The following LPP variants were observed in gnomAD, a reference collection of about 807,000 sequenced individuals.
LPP encodes the protein lipoma-preferred partner.
Under a neutral mutation model 60.4 loss-of-function variants are expected in LPP, and 38 were observed. That is an observed-to-expected ratio of 0.63 (90% confidence interval 0.49 to 0.83). The LOEUF (loss-of-function observed/expected upper bound fraction) is 0.83, where lower values mean the gene tolerates loss of function less well. LPP is among the 40% of genes least tolerant of loss of function. The pLI is 0.00. For missense variants in LPP, 902 were observed against 783.6 expected, an observed-to-expected ratio of 1.15 and a Z score of -1.80; for synonymous variants, 328 against 290.8, an observed-to-expected ratio of 1.13 and a Z score of -1.30.
At chr3:188,591,225 G>A (rs747891036) in intron 6 of LPP, among the ~76,000 whole-genome samples, 7 of 152,090 alleles carry the variant, frequency 4.6e-5, no homozygotes, top group Non-Finnish European at 1.0e-4. Context: ...CTGCCCAAAC[G>A]AAATAAATCA....
chr3:188,277,033 G>A (rs1234807211), intron 2 of LPP, among the ~76,000 whole-genome samples: 5 of 149,930 alleles, frequency 3.3e-5, no homozygotes, highest in Admixed American at 2.7e-4. Flanking sequence ...GCTCCTGAGT[G>A]GCTGGACTTA....
chr3:188,699,512 A>G (rs1158002697), intron 7 of LPP, among the ~76,000 whole-genome samples: 1 of 152,228 alleles, frequency 6.6e-6, no homozygotes, highest in Non-Finnish European at 1.5e-5. Flanking sequence ...AGATTTTAAG[A>G]AAATCAAGAT....
At chr3:188,302,162 A>G (rs768598497) in intron 2 of LPP, among the ~76,000 whole-genome samples, 99 of 152,212 alleles carry the variant, frequency 6.5e-4, no homozygotes, top group Non-Finnish European at 1.1e-3. Context: ...GCTGCTTTGC[A>G]TTTACTCTCT....
chr3:188,745,222 G>C (rs528083620), intron 8 of LPP, among the ~76,000 whole-genome samples: 11 of 152,068 alleles, frequency 7.2e-5, no homozygotes, highest in Non-Finnish European at 1.2e-4. Context: ...AGGGAAGGCA[G>C]GTGTCAGGTC....
intron 7 of LPP, among the ~76,000 whole-genome samples, chr3:188,621,520 A>G (rs1845796945): frequency 6.6e-6 from 1 of 152,156 alleles, no homozygotes; most frequent in African/African-American, 2.4e-5. Flanking sequence ...TTTTGACTGC[A>G]CAGTATTTCA....
chr3:188,377,329 ACTTTCAGGTACACCAAT>A (rs1775447092), intron 3 of LPP, among the ~76,000 whole-genome samples: 1 of 152,166 alleles, frequency 6.6e-6, no homozygotes, highest in Admixed American at 6.5e-5. Context: ...TCTCCCCGTC[ACTTTCAGGTACACCAAT>A]CAGACGTAGA....
chr3:188,600,848 A>G (rs967869814), intron 6 of LPP, among the ~76,000 whole-genome samples: 3 of 152,026 alleles, frequency 2.0e-5, no homozygotes, highest in Admixed American at 1.3e-4. Flanking sequence ...TGTTTCTTCA[A>G]GCTTCAAGCT....
Position 188,496,853 on chromosome 3 carries a change from CTG to C in LPP, c.306+12153_306+12154del, listed in dbSNP as rs1483108607. On this transcript the variant is annotated intron_variant, in intron 5 of 11. Transcript: ENST00000617246. Reference sequence around the variant, plus strand: ...CACTGTGGTGGAAAATACAGGAAAACTGTGTACAGACCTGTTAAATGGAAATG... The same window carrying C: ...CACTGTGGTGGAAAATACAGGAAAACTGTACAGACCTGTTAAATGGAAATG... Among the ~76,000 whole-genome samples the C allele has an allele frequency of 2.6e-5, 4 of 152,160 alleles. No homozygotes were observed. In the South Asian group the frequency reaches 6.2e-4, roughly 24 times the overall value.
At chr3:188,282,368 G>C (rs1742403139) in intron 2 of LPP, among the ~76,000 whole-genome samples, 1 of 152,138 alleles carries the variant, frequency 6.6e-6, no homozygotes, top group Admixed American at 6.5e-5. Context: ...TCCAGCTTCA[G>C]GAGGCCATGG....
At chr3:188,851,049 A>G (rs1371380623) in intron 9 of LPP, among the ~76,000 whole-genome samples, 1 of 152,244 alleles carries the variant, frequency 6.6e-6, no homozygotes, top group East Asian at 1.9e-4. Flanking sequence ...TCAAAATAAG[A>G]AAGCTCTAAC....
chr3:188,630,056 T>C (rs938591053), intron 7 of LPP, among the ~76,000 whole-genome samples: 1 of 152,154 alleles, frequency 6.6e-6, no homozygotes, highest in African/African-American at 2.4e-5. Flanking sequence ...AATACTATTC[T>C]AGGCCTTGGC....
intron 5 of LPP, among the ~76,000 whole-genome samples, chr3:188,490,120 T>C (rs993966562): frequency 2.0e-5 from 3 of 152,264 alleles, no homozygotes; most frequent in African/African-American, 7.2e-5. Context: ...TCTTTCCCCT[T>C]TTAAAAAGTG....
Position 188,888,823 on chromosome 3 carries a change from A to C in LPP, c.*14344A>C, listed in dbSNP as rs1486621979. ...CTACCGTGAAACGGGCTGCAAACAC[A>C]TTCCCTGAGCATCCCTTGCTGATAC... On this transcript the variant is annotated 3_prime_UTR_variant, in exon 12 of 12. Transcript: ENST00000617246. 9.1e-6 allele frequency: 2 copies of C among 220,694 alleles called. No individual in the cohort carries two copies. The highest frequency in any genetic ancestry group is 1.8e-5 in the Non-Finnish European group (2 of 110,096). The allele number at this position is 220,694 out of a possible 1,614,324, so 13.7% of individuals were successfully genotyped here. A position where few individuals can be genotyped will look rare whatever the true frequency, so the allele number is the denominator to read the frequency against.
intron 1 of LPP, among the ~76,000 whole-genome samples, chr3:188,172,266 C>T (rs1047943997): frequency 6.6e-6 from 1 of 152,218 alleles, no homozygotes; most frequent in Non-Finnish European, 1.5e-5. Flanking sequence ...TGCTTAAGGG[C>T]CAGAGCTCTG....
intron 8 of LPP, among the ~76,000 whole-genome samples, chr3:188,749,832 A>G (rs928979503): frequency 6.6e-6 from 1 of 152,106 alleles, no homozygotes. Context: ...TATAATTTTT[A>G]TTTTCCCCTT....
At chr3:188,291,365 C>T (rs187412025) in intron 2 of LPP, among the ~76,000 whole-genome samples, 32 of 152,210 alleles carry the variant, frequency 2.1e-4, no homozygotes, top group African/African-American at 7.0e-4. Flanking sequence ...ATTGGCCGGG[C>T]GTGGTGGCTC....
At chr3:188,174,828 G>A (rs1180353328) in intron 1 of LPP, among the ~76,000 whole-genome samples, 1 of 152,034 alleles carries the variant, frequency 6.6e-6, no homozygotes, top group Non-Finnish European at 1.5e-5. Flanking sequence ...CTTGATTTCT[G>A]CCCATCCCCC....
Position 188,874,545 on chromosome 3 carries a change from G to A in LPP, c.*66G>A. The A allele has an allele frequency of 2.6e-6, 4 of 1,559,066 alleles. No homozygotes were observed. The highest frequency in any genetic ancestry group is 1.7e-4 in the Middle Eastern group (1 of 5,848). ...CAAGAAAAAGATAAGAAATACTAGA[G>A]TAAAGGCCATCAAACTACGCGATAG... On this transcript the variant is annotated 3_prime_UTR_variant, in exon 12 of 12. Coordinates refer to ENST00000617246, the MANE Select transcript of LPP (RefSeq NM_001375462.1).
intron 2 of LPP, among the ~76,000 whole-genome samples, chr3:188,288,045 A>C (rs961737376): frequency 3.9e-5 from 6 of 152,238 alleles, no homozygotes; most frequent in Admixed American, 3.3e-4. Context: ...TGTTATCAAA[A>C]GCTTTTACTT....
Sources: allele counts gnomAD v4.1 joint callset (sites outside exome capture counted in the v4.1 genomes callset), GRCh38; gene constraint gnomAD v4.1.1; transcripts MANE v1.5; gene names NCBI Gene and HGNC (gene_info 2026-07-23, HGNC 2026-07-21).